Variants in ALMS1 observed in about 807,000 individuals in gnomAD.
ALMS1 encodes centrosome-associated protein ALMS1.
Under a neutral mutation model 352.2 loss-of-function variants are expected in ALMS1, and 271 were observed. The observed-to-expected ratio is 0.77, with a 90% CI of 0.70 to 0.85. ALMS1 has a LOEUF of 0.85. ALMS1 is among the 40% of genes least tolerant of loss of function. The pLI, the probability that ALMS1 is intolerant of heterozygous loss-of-function variation, is 0.00. For missense variants in ALMS1, 5,445 were observed against 4,870.7 expected, an observed-to-expected ratio of 1.12 and a Z score of -3.51; for synonymous variants, 1,865 against 1,761.2, an observed-to-expected ratio of 1.06 and a Z score of -1.48.
intron 10 of ALMS1, among the ~76,000 whole-genome samples, chr2:73,493,653 C>T (rs756364345): frequency 9.9e-5 from 15 of 151,654 alleles, no homozygotes; most frequent in Admixed American, 9.2e-4. Flanking sequence ...ACCTGGGAGG[C>T]GGAGGCTGCA....
At position 73,454,265 on chromosome 2, in the gene ALMS1, A is replaced by G. The variant is rs141406211; in HGVS notation, c.7540+198A>G. On this transcript the variant is annotated intron_variant, in intron 8 of 22. Transcript: ENST00000613296. ...ACTATATTTCTTCTAACAATCCATA[A>G]AAAGCCTATTTAACCAATAATGTAG... 41 of 969,064 alleles carry G rather than the reference A, an allele frequency of 4.2e-5. No homozygotes were observed. In the East Asian group the frequency reaches 3.3e-3, roughly 78 times the overall value. The allele number at this position is 969,064 out of a possible 1,614,324, so 60.0% of individuals were successfully genotyped here.
At chr2:73,579,574 G>A (rs1395804426) in intron 16 of ALMS1, among the ~76,000 whole-genome samples, 73 of 152,080 alleles carry the variant, frequency 4.8e-4, no homozygotes, top group Admixed American at 4.8e-3. Context: ...TGGCCAGGCT[G>A]GTCTTGAACT....
At chr2:73,528,895 A>G (rs551638859) in intron 11 of ALMS1, among the ~76,000 whole-genome samples, 1 of 151,872 alleles carries the variant, frequency 6.6e-6, no homozygotes, top group Non-Finnish European at 1.5e-5. Context: ...AGTCTGATGC[A>G]TTCTTTAGTG....
chr2:73,389,671 C>A (rs1000742097), intron 1 of ALMS1, among the ~76,000 whole-genome samples: 1 of 152,144 alleles, frequency 6.6e-6, no homozygotes, highest in Non-Finnish European at 1.5e-5. Flanking sequence ...AAATTATTTT[C>A]CTGTTTAATA....
intron 13 of ALMS1, among the ~76,000 whole-genome samples, chr2:73,555,310 A>G (rs1674520311): frequency 6.6e-6 from 1 of 152,218 alleles, no homozygotes; most frequent in South Asian, 2.1e-4. Flanking sequence ...AAACATATCC[A>G]TGAATGTGGA....
At chr2:73,404,251 A>G (rs1312469278) in intron 1 of ALMS1, among the ~76,000 whole-genome samples, 1 of 152,010 alleles carries the variant, frequency 6.6e-6, no homozygotes, top group East Asian at 1.9e-4. Context: ...AGTATATAGG[A>G]CTTTTTCCTT....
chr2:73,490,430 C>G lies in ALMS1; in HGVS notation c.8471C>G (p.Pro2824Arg). Residue 2824 changes from proline (P) to arginine (R), a missense_variant, in exon 10 of 23, where the codon CCC becomes CGC. Pro to Arg is a moderately radical substitution (Grantham distance 103, BLOSUM62 -2). Coordinates refer to ENST00000613296, the MANE Select transcript of ALMS1 (RefSeq NM_001378454.1). ...RSDFTGSHSE[P>R]STRANCSNFK... ...GATTTTACAGGCAGTCATTCTGAGC[C>G]CAGTACCAGGGCAAATTGTAGCAAT... 2 of 1,614,080 alleles carry G rather than the reference C, an allele frequency of 1.2e-6. No individual in the cohort carries two copies. Among genetic ancestry groups the G allele is most frequent in the Non-Finnish European group, 1.7e-6 (2 of 1,180,004 alleles).
intron 9 of ALMS1, among the ~76,000 whole-genome samples, chr2:73,459,846 T>C (rs1326325799): frequency 1.3e-5 from 2 of 152,254 alleles, no homozygotes; most frequent in East Asian, 3.8e-4. Flanking sequence ...AACTAAGATC[T>C]GTATGCTTGG....
chr2:73,563,028 A>C (rs1378637556), intron 15 of ALMS1, among the ~76,000 whole-genome samples: 1 of 151,922 alleles, frequency 6.6e-6, no homozygotes, highest in Admixed American at 6.6e-5. Context: ...AAAAACAAAA[A>C]ATTGCCATAA....
chr2:73,419,492 C>A (rs765447333), intron 3 of ALMS1, among the ~76,000 whole-genome samples, 174 bp downstream of exon 3: 2 of 152,106 alleles, frequency 1.3e-5, no homozygotes, highest in African/African-American at 4.8e-5. Flanking sequence ...GCTAGCTGAT[C>A]TAATTATATT....
At chr2:73,401,708 A>T (rs1388669369) in intron 1 of ALMS1, among the ~76,000 whole-genome samples, 1 of 151,878 alleles carries the variant, frequency 6.6e-6, no homozygotes, top group Non-Finnish European at 1.5e-5. Flanking sequence ...AAGAGCTTCT[A>T]AAATCCTTTT....
intron 1 of ALMS1, 58 bp from the exon 2 acceptor site, chr2:73,408,564 G>C: frequency 6.4e-7 from 1 of 1,564,802 alleles, no homozygotes; most frequent in Non-Finnish European, 8.7e-7. Flanking sequence ...GTTTATTTTT[G>C]TTGTATAATC....
chr2:73,490,380 A>G lies in ALMS1; in HGVS notation c.8421A>G (p.Gln2807=), dbSNP rs774574310. ...CTGTTGATTTTGAGCGTTCTTTTCA[A>G]GAAGAAAAACCCTTAGAAAGATCAG... ...KLPVDFERSF[Q]EEKPLERSDF... The change falls in exon 10 of 23, where the codon CAA becomes CAG. Residue 2807 remains glutamine, a synonymous_variant. Transcript: ENST00000613296. The G allele has an allele frequency of 2.3e-5, 37 of 1,613,418 alleles. No homozygotes were observed. The highest frequency in any genetic ancestry group is 4.0e-5 in the African/African-American group (3 of 74,882).
At position 73,600,260 on chromosome 2, in the gene ALMS1, G is replaced by A. The variant is rs567668267; in HGVS notation, c.11669-418G>A. On this transcript the variant is annotated intron_variant, in intron 17 of 22. Transcript: ENST00000613296. ...AGCTATTGCCTTTCTATACCTTTTG[G>A]TTTCATAAAATAAAAATAAATAAAC... Among the ~76,000 whole-genome samples the A allele has an allele frequency of 3.3e-5, 5 of 152,226 alleles. No homozygotes were observed. The South Asian group carries it at 1.0e-3, about 32-fold the overall frequency.
At chr2:73,564,974 A>G (rs567046237) in intron 15 of ALMS1, among the ~76,000 whole-genome samples, 1 of 152,320 alleles carries the variant, frequency 6.6e-6, no homozygotes, top group African/African-American at 2.4e-5. Flanking sequence ...GTGTTCTGAA[A>G]AATCTCAAGC....
intron 9 of ALMS1, among the ~76,000 whole-genome samples, chr2:73,486,781 G>T (rs1672857401): frequency 6.6e-6 from 1 of 152,326 alleles, no homozygotes; most frequent in South Asian, 2.1e-4. Flanking sequence ...AGGCGCAGTG[G>T]CTCATGCCTG....
In ALMS1 at chr2:73,404,481, T is replaced by A. The variant is rs576804696; in HGVS notation, c.325-4141T>A. On this transcript the variant is annotated intron_variant, in intron 1 of 22. Coordinates refer to ENST00000613296, the MANE Select transcript of ALMS1 (RefSeq NM_001378454.1). ...ATAGTCTGTTGACTTTTTTTTTTTTTAAATAATGAAAGGGTGTTGAATTTT... is the reference window on the plus strand; with the variant it reads ...ATAGTCTGTTGACTTTTTTTTTTTTAAAATAATGAAAGGGTGTTGAATTTT... Among the ~76,000 whole-genome samples, 155 of 152,046 alleles carry A rather than the reference T, an allele frequency of 1.0e-3. 1 individual carries two copies. The highest frequency in any genetic ancestry group is 1.7e-3 in the African/African-American group (72 of 41,494).
intron 11 of ALMS1, among the ~76,000 whole-genome samples, chr2:73,525,499 G>T (rs147690629): frequency 6.6e-6 from 1 of 152,156 alleles, no homozygotes; most frequent in African/African-American, 2.4e-5. Flanking sequence ...TCTCATTGTA[G>T]TTTTGCTTTG....
chr2:73,547,430 T>G (rs981881870), intron 12 of ALMS1, among the ~76,000 whole-genome samples: 7 of 152,148 alleles, frequency 4.6e-5, no homozygotes, highest in Non-Finnish European at 8.8e-5. Flanking sequence ...GAATCTCTTG[T>G]TTTTAGAAAA....
Sources: gnomAD v4.1 joint callset for allele counts (sites outside exome capture counted in the v4.1 genomes callset) on GRCh38, gnomAD v4.1.1 for gene constraint, MANE v1.5 for transcripts, NCBI Gene and HGNC (gene_info 2026-07-23, HGNC 2026-07-21) for gene names.